Variants in RORA observed in about 807,000 individuals in gnomAD.
RORA encodes RAR related orphan receptor A, also known as nuclear receptor ROR-alpha.
RORA carries 7 observed loss-of-function variants against 69.5 expected under a neutral mutation model. The ratio of observed to expected loss-of-function variants is 0.10; its 90% CI spans 0.06 to 0.19. The LOEUF (loss-of-function observed/expected upper bound fraction) is 0.19. RORA is among the 10% of genes least tolerant of loss of function. The pLI, the probability that RORA is intolerant of heterozygous loss-of-function variation, is 1.00. For synonymous variants in RORA, 261 were observed against 240.8 expected (o/e 1.08, Z -0.78); for missense variants, 457 against 663.0 (o/e 0.69, Z 3.41).
intron 1 of RORA, among the ~76,000 whole-genome samples, chr15:61,032,110 G>T (rs1432832639): frequency 1.3e-5 from 2 of 152,202 alleles, no homozygotes; most frequent in African/African-American, 4.8e-5. Flanking sequence ...CTCTACCCAT[G>T]AAGAACACTT....
At chr15:60,581,554 C>T (rs1244379510) in intron 2 of RORA, among the ~76,000 whole-genome samples, 1 of 152,080 alleles carries the variant, frequency 6.6e-6, no homozygotes, top group African/African-American at 2.4e-5. Context: ...ACAAAATAGG[C>T]GGTATGCAAA....
intron 1 of RORA, among the ~76,000 whole-genome samples, chr15:61,222,676 TAAG>T (rs2080109134): frequency 6.6e-6 from 1 of 152,220 alleles, no homozygotes; most frequent in African/African-American, 2.4e-5. Context: ...ACTATATCAT[TAAG>T]TCAAGTGGGA....
At chr15:60,908,408 C>T (rs1459486542) in intron 1 of RORA, among the ~76,000 whole-genome samples, 3 of 152,068 alleles carry the variant, frequency 2.0e-5, no homozygotes, top group African/African-American at 4.8e-5. Context: ...CCCTATTTTC[C>T]CCCCTCCATG....
intron 1 of RORA, among the ~76,000 whole-genome samples, chr15:60,867,731 T>C (rs2073506478): frequency 6.6e-6 from 1 of 152,208 alleles, no homozygotes; most frequent in Non-Finnish European, 1.5e-5. Context: ...ATATTCTCTA[T>C]ATGAGATCCT....
chr15:60,851,154 A>G (rs2073320235), intron 1 of RORA, among the ~76,000 whole-genome samples: 1 of 152,222 alleles, frequency 6.6e-6, no homozygotes, highest in African/African-American at 2.4e-5. Context: ...GCAACGATGT[A>G]CATATACACA....
chr15:60,775,614 C>T (rs531147482), intron 1 of RORA, among the ~76,000 whole-genome samples: 1 of 152,146 alleles, frequency 6.6e-6, no homozygotes, highest in African/African-American at 2.4e-5. Flanking sequence ...CCTGATTACC[C>T]CCTACTCAAG....
intron 1 of RORA, among the ~76,000 whole-genome samples, chr15:60,845,178 G>T (rs774014250): frequency 5.9e-5 from 9 of 152,192 alleles, no homozygotes; most frequent in Non-Finnish European, 1.2e-4. Context: ...GTGCCTTTCC[G>T]GGTGGCACTG....
chr15:61,184,726 T>C (rs1285222351), intron 1 of RORA, among the ~76,000 whole-genome samples: 1 of 152,118 alleles, frequency 6.6e-6, no homozygotes, highest in Non-Finnish European at 1.5e-5. Flanking sequence ...GGCTCAAACC[T>C]GTAATCCCAG....
intron 1 of RORA, among the ~76,000 whole-genome samples, chr15:60,926,562 T>C (rs182256285): frequency 2.6e-5 from 4 of 152,372 alleles, no homozygotes; most frequent in Admixed American, 2.6e-4. Flanking sequence ...GGCTATAATA[T>C]GCTGCAAACT....
intron 1 of RORA, among the ~76,000 whole-genome samples, chr15:61,153,096 C>T (rs1208985657): frequency 1.3e-5 from 2 of 152,134 alleles, no homozygotes; most frequent in African/African-American, 4.8e-5. Context: ...AAAAAAGTCA[C>T]GAGAGTACAC....
intron 1 of RORA, among the ~76,000 whole-genome samples, chr15:60,726,416 C>A (rs2071357780): frequency 6.6e-6 from 1 of 152,174 alleles, no homozygotes; most frequent in South Asian, 2.1e-4. Flanking sequence ...TCAGTAAAGG[C>A]CAGTATTGAG....
At chr15:60,845,581 G>A (rs536098201) in intron 1 of RORA, among the ~76,000 whole-genome samples, 30 of 152,228 alleles carry the variant, frequency 2.0e-4, no homozygotes, top group South Asian at 1.0e-3. Context: ...GGCATTAGTC[G>A]GTGTTCTTTG....
intron 2 of RORA, among the ~76,000 whole-genome samples, chr15:60,566,671 C>A (rs1478163759): frequency 5.3e-5 from 8 of 152,256 alleles, no homozygotes; most frequent in East Asian, 3.9e-4. Context: ...AACCAGATTT[C>A]TTTTAGGGAA....
chr15:60,995,972 T>C (rs537152086), intron 1 of RORA, among the ~76,000 whole-genome samples: 5 of 152,288 alleles, frequency 3.3e-5, no homozygotes, highest in African/African-American at 1.2e-4. Flanking sequence ...TGTTTATGCA[T>C]TGATAAATAA....
intron 1 of RORA, among the ~76,000 whole-genome samples, chr15:61,118,132 G>A (rs1490758673): frequency 6.6e-6 from 1 of 152,162 alleles, no homozygotes; most frequent in Non-Finnish European, 1.5e-5. Flanking sequence ...CATGCAAACA[G>A]ATATTCCTAC....
intron 1 of RORA, among the ~76,000 whole-genome samples, chr15:60,778,353 A>G (rs1257805578): frequency 6.6e-6 from 1 of 151,916 alleles, no homozygotes; most frequent in Non-Finnish European, 1.5e-5. Context: ...TTCTAACGAA[A>G]GGGCACCCCC....
chr15:61,054,263 A>G (rs2078058413), intron 1 of RORA, among the ~76,000 whole-genome samples: 1 of 152,146 alleles, frequency 6.6e-6, no homozygotes, highest in African/African-American at 2.4e-5. Flanking sequence ...TAATGTGAGG[A>G]ACAGAAAGAA....
chr15:60,537,733 A>C lies in RORA; in HGVS notation c.197-5882T>G, dbSNP rs1487562354. ...TTTGGCCACTTGGTCTGCTAAGTTC[A>C]TTTTAAATATAACACTAATATGTTT... is the stretch of plus-strand genomic sequence containing the variant. On this transcript the variant is annotated intron_variant, in intron 2 of 10. Coordinates refer to ENST00000335670, the MANE Select transcript of RORA (RefSeq NM_134261.3). This position sits in a 1 kb window ranked among gnomAD's most constrained non-coding sequence, Gnocchi z 4.9. 6.6e-6 allele frequency among the ~76,000 whole-genome samples: 1 copy of C among 152,242 alleles called. No homozygotes were observed. Among genetic ancestry groups the C allele is most frequent in the African/African-American group, 2.4e-5 (1 of 41,470 alleles).
intron 1 of RORA, among the ~76,000 whole-genome samples, chr15:60,903,472 C>A (rs1314943698): frequency 6.6e-6 from 1 of 152,214 alleles, no homozygotes; most frequent in Non-Finnish European, 1.5e-5. Flanking sequence ...AGTCAGTCAT[C>A]CTCAGAGTCC....
Sources: allele counts gnomAD v4.1 joint callset (sites outside exome capture counted in the v4.1 genomes callset), GRCh38; gene constraint gnomAD v4.1.1; non-coding constraint Gnocchi (gnomAD v3.1); transcripts MANE v1.5; gene names NCBI Gene and HGNC (gene_info 2026-07-23, HGNC 2026-07-21).